DPPA2: variants seen among roughly 807,000 people sequenced by gnomAD.
DPPA2 encodes the protein developmental pluripotency-associated protein 2.
Under a neutral mutation model 36.2 loss-of-function variants are expected in DPPA2, and 26 were observed. The ratio of observed to expected loss-of-function variants is 0.72; its 90% CI spans 0.53 to 1.00. The LOEUF is 1.00. DPPA2 is among the 50% of genes least tolerant of loss of function. The pLI is 0.00. For synonymous variants in DPPA2, 113 were observed against 123.2 expected (o/e 0.92, Z 0.55); for missense variants, 361 against 365.1 (o/e 0.99, Z 0.09).
At chr3:109,294,780 T>C (rs539385338) in intron 8 of DPPA2, among the ~76,000 whole-genome samples, 149 of 152,276 alleles carry the variant, frequency 9.8e-4, no homozygotes, top group African/African-American at 3.4e-3. Flanking sequence ...TCTCAGCACT[T>C]TGGGAAACCG....
chr3:109,295,769 A>G (rs1250670478), intron 8 of DPPA2, among the ~76,000 whole-genome samples: 1 of 152,132 alleles, frequency 6.6e-6, no homozygotes, highest in Non-Finnish European at 1.5e-5. Context: ...GGAATTTAAA[A>G]CAGTGTTGAT....
rs143475246 is a variant in DPPA2, at chr3:109,314,539, A to T, written c.4T>A (p.Ser2Thr). 6.9e-5 allele frequency: 111 copies of T among 1,610,464 alleles called. No individual in the cohort carries two copies. The highest frequency in any genetic ancestry group is 9.3e-5 in the Non-Finnish European group (109 of 1,177,614). MSDANLDSSKKN... is the reference protein window; with the variant it reads MTDANLDSSKKN... ...TTGCTGCTATCCAAATTTGCATCTG[A>T]CATTTTCAGCAACACCCTGGGGAAG... The change falls in exon 2 of 9, where the codon TCA becomes ACA. Residue 2 changes from serine (S) to threonine (T), a missense_variant. Coordinates refer to ENST00000478945, the MANE Select transcript of DPPA2 (RefSeq NM_138815.4).
chr3:109,304,393 T>G, intron 7 of DPPA2, 82 bp downstream of exon 7: 2 of 1,402,922 alleles, frequency 1.4e-6, no homozygotes, highest in Admixed American at 5.0e-5. Context: ...CGCCCTCTGC[T>G]TTCTACTGTT....
At chr3:109,299,873 A>G (rs1448685959) in intron 8 of DPPA2, among the ~76,000 whole-genome samples, 1 of 151,062 alleles carries the variant, frequency 6.6e-6, no homozygotes. Flanking sequence ...CTCCTGACTT[A>G]GCCTTCCCGG....
At chr3:109,307,943 G>A in intron 6 of DPPA2, 89 bp downstream of exon 6, 1 of 1,456,062 alleles carries the variant, frequency 6.9e-7, no homozygotes, top group Non-Finnish European at 9.2e-7. Flanking sequence ...TTTAGCAAAT[G>A]CCTTCCCTTT....
intron 5 of DPPA2, 90 bp from the exon 6 acceptor site, chr3:109,308,383 A>G: frequency 6.9e-7 from 1 of 1,445,904 alleles, no homozygotes; most frequent in Non-Finnish European, 9.1e-7. Context: ...TTTTTTTGAG[A>G]CGGAGTCTCG....
At chr3:109,312,409 T>A (rs1205909845) in intron 3 of DPPA2, 136 bp downstream of exon 3, 47 of 1,157,948 alleles carry the variant, frequency 4.1e-5, no homozygotes, top group Non-Finnish European at 5.2e-5. Flanking sequence ...GTTTGCAAAA[T>A]TTCTTAACAC....
chr3:109,299,204 C>CAA (rs35767226), intron 8 of DPPA2, among the ~76,000 whole-genome samples: 8 of 131,236 alleles, frequency 6.1e-5, no homozygotes, highest in East Asian at 4.9e-4. Context: ...CTAAACATAC[C>CAA]AAAAAAAAAA....
At chr3:109,307,302 T>A (rs1052060910) in intron 6 of DPPA2, among the ~76,000 whole-genome samples, 2 of 151,886 alleles carry the variant, frequency 1.3e-5, no homozygotes, top group Admixed American at 6.6e-5. Flanking sequence ...AATCTTCATT[T>A]TATATAACAG....
In DPPA2 at chr3:109,296,401, G is replaced by A. The variant is rs190235913; in HGVS notation, c.*23-2397C>T. ...TAAAAAGAAGGAAACAAAGCTGGGC[G>A]TGGTGGCTCACGCCTGTAATCCCAA... On this transcript the variant is annotated intron_variant, in intron 8 of 8. Transcript: ENST00000478945. 7.9e-5 allele frequency among the ~76,000 whole-genome samples: 12 copies of A among 152,342 alleles called. No individual in the cohort carries two copies. The South Asian group carries it at 8.3e-4, about 11-fold the overall frequency.
At chr3:109,315,743 A>T (rs1025141218) in intron 1 of DPPA2, among the ~76,000 whole-genome samples, 4 of 152,218 alleles carry the variant, frequency 2.6e-5, no homozygotes, top group Admixed American at 2.6e-4. Context: ...TATTGTCTGG[A>T]CCTGGCACGG....
chr3:109,312,872 G>A (rs1330209305), intron 2 of DPPA2, among the ~76,000 whole-genome samples, 180 bp from the exon 3 acceptor site: 1 of 152,064 alleles, frequency 6.6e-6, no homozygotes, highest in Non-Finnish European at 1.5e-5. Context: ...AAGGAAACAT[G>A]GAAAAAAACG....
In DPPA2 at chr3:109,314,196, A is replaced by G. The variant is rs184607330; in HGVS notation, c.33+314T>C. 2.8e-3 allele frequency among the ~76,000 whole-genome samples: 421 copies of G among 151,176 alleles called. 2 individuals are homozygous for G. Among genetic ancestry groups the G allele is most frequent in the Non-Finnish European group, 4.3e-3 (289 of 67,988 alleles). ...CTCTAATATTATTATTCTCCATGCC[A>G]TTTTTATTTATTTATTTTTACCATT... On this transcript the variant is annotated intron_variant, in intron 2 of 8. Transcript: ENST00000478945.
At position 109,293,930 on chromosome 3, in the gene DPPA2, T is replaced by C. The variant is rs1707307208; in HGVS notation, c.*97A>G. 1 of 152,210 alleles carries C rather than the reference T, an allele frequency of 6.6e-6. No homozygotes were observed. The allele number at this position is 152,210 out of a possible 1,614,324, so 9.4% of individuals were successfully genotyped here. On this transcript the variant is annotated 3_prime_UTR_variant, in exon 9 of 9. Transcript: ENST00000478945. ...GATTTTGTTTTGTAGATCATGAGGA[T>C]TCATTCAAATTGTCTCCTCTTCCAC...
At chr3:109,296,570 G>A (rs1707354649) in intron 8 of DPPA2, among the ~76,000 whole-genome samples, 2 of 152,182 alleles carry the variant, frequency 1.3e-5, no homozygotes, top group African/African-American at 2.4e-5. Flanking sequence ...AGCTGCTTGG[G>A]AGGCTGAGAC....
chr3:109,298,904 G>A (rs1345831997), intron 8 of DPPA2, among the ~76,000 whole-genome samples: 2 of 151,814 alleles, frequency 1.3e-5, no homozygotes, highest in African/African-American at 2.4e-5. Context: ...AAATTAGCTG[G>A]GCATTATGGT....
At position 109,304,494 on chromosome 3, in the gene DPPA2, A is replaced by T; in HGVS notation, c.835T>A (p.Cys279Ser). 5 of 1,613,578 alleles carry T rather than the reference A, an allele frequency of 3.1e-6. No homozygotes were observed. The highest frequency in any genetic ancestry group is 4.2e-6 in the Non-Finnish European group (5 of 1,179,730). Reference protein sequence around the residue: ...PSPGIEDNMLCPDCAKRNKKM... With the variant: ...PSPGIEDNMLSPDCAKRNKKM... ...GGTTACCTCTTAGCACAGTCGGGGC[A>T]TAACATATTATCTTCTATGCCTGGG... Residue 279 changes from cysteine (C) to serine (S), a missense_variant, in exon 7 of 9, where the codon TGC (cysteine) becomes AGC (serine). Transcript: ENST00000478945.
chr3:109,309,122 A>G (rs1396583661), intron 4 of DPPA2, 43 bp from the exon 5 acceptor site: 1 of 1,613,848 alleles, frequency 6.2e-7, no homozygotes, highest in Non-Finnish European at 8.5e-7. Flanking sequence ...GTTGACAAAG[A>G]CTCCCATAAT....
intron 6 of DPPA2, among the ~76,000 whole-genome samples, chr3:109,306,655 T>C (rs983663676): frequency 3.3e-5 from 5 of 151,166 alleles, no homozygotes; most frequent in Admixed American, 6.6e-5. Context: ...AAAAGTGGAG[T>C]TAAGTTATCC....
Sources: gnomAD v4.1 joint callset for allele counts (sites outside exome capture counted in the v4.1 genomes callset) on GRCh38, gnomAD v4.1.1 for gene constraint, MANE v1.5 for transcripts, NCBI Gene and HGNC (gene_info 2026-07-23, HGNC 2026-07-21) for gene names.